DPP10: variants seen among roughly 807,000 people sequenced by gnomAD.
The protein encoded by DPP10 is dipeptidyl peptidase like 10.
DPP10 carries 33 observed loss-of-function variants against 120.9 expected under a neutral mutation model. That is an observed-to-expected ratio of 0.27 (90% CI 0.21 to 0.37). The LOEUF is 0.37. Ranked by LOEUF, DPP10 falls within the 10% of genes least tolerant of loss-of-function variation. The pLI, the probability that DPP10 is intolerant of heterozygous loss-of-function variation, is 1.00. For synonymous variants in DPP10, 337 were observed against 326.1 expected (o/e 1.03, Z -0.36); for missense variants, 816 against 942.8 (o/e 0.87, Z 1.76).
intron 1 of DPP10, among the ~76,000 whole-genome samples, chr2:115,209,044 A>G (rs1194766191): frequency 6.6e-6 from 1 of 152,164 alleles, no homozygotes. Flanking sequence ...GGCTAGCTCT[A>G]ACTATTAAGT....
chr2:115,785,757 T>A (rs1332002786), intron 17 of DPP10, among the ~76,000 whole-genome samples: 1 of 152,094 alleles, frequency 6.6e-6, no homozygotes, highest in African/African-American at 2.4e-5. Context: ...GTCTATTAAT[T>A]GTATTTATAC....
At chr2:115,326,832 T>A (rs531753110) in intron 2 of DPP10, among the ~76,000 whole-genome samples, 1 of 152,192 alleles carries the variant, frequency 6.6e-6, no homozygotes, top group Admixed American at 6.5e-5. Context: ...AAAGTGTCAA[T>A]GATGAAAAAC....
chr2:114,638,866 G>A (rs930108844), intron 1 of DPP10, among the ~76,000 whole-genome samples: 3 of 151,856 alleles, frequency 2.0e-5, no homozygotes, highest in Admixed American at 6.6e-5. Flanking sequence ...ATTTACAATA[G>A]CAAAACCATA....
At chr2:115,756,843 T>TG (rs1679469542) in intron 11 of DPP10, among the ~76,000 whole-genome samples, 1 of 152,016 alleles carries the variant, frequency 6.6e-6, no homozygotes, top group African/African-American at 2.4e-5. Flanking sequence ...AGGGACTTCT[T>TG]GCTGCATCAT....
intron 1 of DPP10, among the ~76,000 whole-genome samples, chr2:114,916,688 G>A (rs990890828): frequency 6.6e-6 from 1 of 152,126 alleles, no homozygotes; most frequent in Non-Finnish European, 1.5e-5. Flanking sequence ...ATAAATAAAC[G>A]TGATTCATCA....
intron 1 of DPP10, among the ~76,000 whole-genome samples, chr2:115,275,387 TAGTA>T (rs548656140): frequency 1.2e-3 from 181 of 152,356 alleles, no homozygotes; most frequent in Middle Eastern, 3.4e-3. Flanking sequence ...CGATGTATAT[TAGTA>T]AGTACTATGC....
intron 1 of DPP10, among the ~76,000 whole-genome samples, chr2:115,288,996 A>G (rs773936748): frequency 6.6e-6 from 1 of 152,070 alleles, no homozygotes; most frequent in Non-Finnish European, 1.5e-5. Context: ...AAAAGAGGAA[A>G]TTAAACTATC....
At chr2:115,580,774 C>G (rs1475766882) in intron 5 of DPP10, among the ~76,000 whole-genome samples, 1 of 152,088 alleles carries the variant, frequency 6.6e-6, no homozygotes, top group Non-Finnish European at 1.5e-5. Context: ...ATTTTCTTTC[C>G]CCCTTCATTG....
intron 1 of DPP10, among the ~76,000 whole-genome samples, chr2:115,246,899 T>G (rs1011206308): frequency 5.3e-5 from 8 of 152,086 alleles, no homozygotes; most frequent in Admixed American, 5.3e-4. Flanking sequence ...CCAGATAGGT[T>G]CTGCTCAGTG....
chr2:114,628,683 G>A (rs965759045), intron 1 of DPP10, among the ~76,000 whole-genome samples: 2 of 152,040 alleles, frequency 1.3e-5, no homozygotes, highest in Non-Finnish European at 2.9e-5. Context: ...ACTGCACACT[G>A]ACTCTTCAAG....
At chr2:114,786,970 G>A (rs1682820373) in intron 1 of DPP10, among the ~76,000 whole-genome samples, 1 of 152,114 alleles carries the variant, frequency 6.6e-6, no homozygotes, top group South Asian at 2.1e-4. Flanking sequence ...GCCTCTCTGT[G>A]CCAGACACGG....
At chr2:115,307,123 G>A (rs948560523) in intron 1 of DPP10, among the ~76,000 whole-genome samples, 1 of 152,022 alleles carries the variant, frequency 6.6e-6, no homozygotes, top group African/African-American at 2.4e-5. Context: ...CTGCAAATTT[G>A]TGAAGATGAC....
chr2:115,397,566 C>A (rs1489443167), intron 3 of DPP10, among the ~76,000 whole-genome samples: 5 of 152,120 alleles, frequency 3.3e-5, no homozygotes, highest in African/African-American at 1.2e-4. Flanking sequence ...TGAAAGTGGT[C>A]ACCCAAGCAT....
intron 1 of DPP10, among the ~76,000 whole-genome samples, chr2:115,106,496 G>C (rs762917442): frequency 6.6e-6 from 1 of 152,068 alleles, no homozygotes; most frequent in Non-Finnish European, 1.5e-5. Context: ...GTCATGCTTC[G>C]TCATCCAAAC....
intron 15 of DPP10, 47 bp downstream of exon 15, chr2:115,777,881 GCTAT>G: frequency 1.0e-5 from 16 of 1,578,364 alleles, no homozygotes; most frequent in Non-Finnish European, 1.3e-5. Flanking sequence ...CTTCTCAATG[GCTAT>G]CTATGTAGCA....
chr2:114,843,799 G>A (rs989112149), intron 1 of DPP10, among the ~76,000 whole-genome samples: 2 of 152,060 alleles, frequency 1.3e-5, no homozygotes, highest in African/African-American at 4.8e-5. Flanking sequence ...GAGGGAGATT[G>A]TCTGAAATGG....
At chr2:114,922,387 A>G (rs1172912033) in intron 1 of DPP10, among the ~76,000 whole-genome samples, 1 of 152,204 alleles carries the variant, frequency 6.6e-6, no homozygotes. Context: ...AACTCAGCTC[A>G]CTGCAACCTC....
At chr2:115,423,017 G>A (rs1311208040) in intron 3 of DPP10, among the ~76,000 whole-genome samples, 1 of 151,976 alleles carries the variant, frequency 6.6e-6, no homozygotes, top group Admixed American at 6.6e-5. Context: ...AACCACAAAT[G>A]TGAATATGAC....
chr2:114,548,542 C>T (rs1314905615), intron 1 of DPP10, among the ~76,000 whole-genome samples: 1 of 152,162 alleles, frequency 6.6e-6, no homozygotes, highest in African/African-American at 2.4e-5. Context: ...AGAAACTGCT[C>T]TGATACAAGC....
Sources: gnomAD v4.1 joint callset for allele counts (sites outside exome capture counted in the v4.1 genomes callset) on GRCh38, gnomAD v4.1.1 for gene constraint, MANE v1.5 for transcripts, NCBI Gene and HGNC (gene_info 2026-07-23, HGNC 2026-07-21) for gene names.